Variants in POFUT3 observed in about 807,000 individuals in gnomAD.
The protein encoded by POFUT3 is GDP-fucose protein O-fucosyltransferase 3.
chr8:33,332,410 A>G, the POFUT3 span, among the ~76,000 whole-genome samples: 4 of 151,642 alleles, frequency 2.6e-5, no homozygotes, highest in Non-Finnish European at 5.9e-5. Flanking sequence ...AGAATCGCTT[A>G]AACCTGAAAG....
At chr8:33,423,541 A>G in the POFUT3 span, among the ~76,000 whole-genome samples, 1 of 152,134 alleles carries the variant, frequency 6.6e-6, no homozygotes, top group Admixed American at 6.5e-5. Context: ...AAGTGCTGGG[A>G]TTACAGGTGT....
chr8:33,326,593 T>G, the POFUT3 span, among the ~76,000 whole-genome samples: 1 of 152,188 alleles, frequency 6.6e-6, no homozygotes, highest in African/African-American at 2.4e-5. Context: ...TTCTGAGAAC[T>G]TGACAGCTCA....
At chr8:33,317,350 C>A in the POFUT3 span, among the ~76,000 whole-genome samples, 2 of 152,168 alleles carry the variant, frequency 1.3e-5, no homozygotes, top group South Asian at 2.1e-4. Flanking sequence ...TAAATTTATT[C>A]TTGAGGGGTC....
At chr8:33,335,744 T>C in the POFUT3 span, among the ~76,000 whole-genome samples, 47 of 152,278 alleles carry the variant, frequency 3.1e-4, no homozygotes, top group African/African-American at 1.0e-3. Flanking sequence ...TATCCTGTAT[T>C]CTTATAGAAA....
chr8:33,385,135 T>C, the POFUT3 span, among the ~76,000 whole-genome samples: 2 of 152,168 alleles, frequency 1.3e-5, no homozygotes, highest in African/African-American at 4.8e-5. Context: ...AACCAACCCA[T>C]TGAAGTAGAA....
chr8:33,435,997 G>C, the POFUT3 span, among the ~76,000 whole-genome samples: 1 of 152,106 alleles, frequency 6.6e-6, no homozygotes, highest in Non-Finnish European at 1.5e-5. Context: ...AGGAGGCAGG[G>C]AGGAGACAGC....
the POFUT3 span, among the ~76,000 whole-genome samples, chr8:33,365,523 G>A: frequency 4.7e-5 from 7 of 148,132 alleles, no homozygotes; most frequent in Admixed American, 1.4e-4. Flanking sequence ...GACAAAGGGC[G>A]AATATCCAGA....
the POFUT3 span, among the ~76,000 whole-genome samples, chr8:33,399,635 T>C: frequency 6.6e-6 from 1 of 151,742 alleles, no homozygotes; most frequent in African/African-American, 2.4e-5. Flanking sequence ...GAAAAAACTA[T>C]TGAAAGTAGT....
At chr8:33,416,988 G>T in the POFUT3 span, among the ~76,000 whole-genome samples, 3 of 152,158 alleles carry the variant, frequency 2.0e-5, no homozygotes, top group African/African-American at 7.2e-5. Context: ...GTATCCATCC[G>T]TAGCCTGTTA....
chr8:33,411,070 C>T, the POFUT3 span, among the ~76,000 whole-genome samples: 13 of 152,086 alleles, frequency 8.5e-5, no homozygotes, highest in Non-Finnish European at 1.5e-5. Context: ...GAAAATAAAT[C>T]CTCCCCCAGT....
the POFUT3 span, among the ~76,000 whole-genome samples, chr8:33,469,685 G>T: frequency 1.3e-5 from 2 of 151,940 alleles, no homozygotes; most frequent in African/African-American, 4.8e-5. Context: ...TCACAAGAAA[G>T]AGTATTCAGT....
At chr8:33,374,078 C>T in the POFUT3 span, among the ~76,000 whole-genome samples, 3,269 of 152,234 alleles carry the variant, frequency 0.021, 116 homozygotes, top group African/African-American at 0.075. Context: ...GTGAGCATTG[C>T]CGTCTGAGCT....
At chr8:33,389,003 A>G in the POFUT3 span, 1 of 1,614,020 alleles carries the variant, frequency 6.2e-7, no homozygotes, top group Non-Finnish European at 8.5e-7. Flanking sequence ...CTTGGTGCAC[A>G]CCATACACTC....
the POFUT3 span, among the ~76,000 whole-genome samples, chr8:33,321,244 C>T: frequency 1.3e-5 from 2 of 152,050 alleles, no homozygotes; most frequent in East Asian, 3.9e-4. Context: ...ACATAAAAAG[C>T]CACTGAAAGT....
chr8:33,467,981 T>G, the POFUT3 span, among the ~76,000 whole-genome samples: 1 of 152,176 alleles, frequency 6.6e-6, no homozygotes, highest in East Asian at 1.9e-4. Flanking sequence ...GGCTCATGCC[T>G]GTAATCCCAA....
the POFUT3 span, among the ~76,000 whole-genome samples, chr8:33,453,906 G>A: frequency 1.3e-5 from 2 of 152,054 alleles, no homozygotes; most frequent in African/African-American, 4.8e-5. Flanking sequence ...AGTGAGCCAA[G>A]ATCGCGCCAC....
At chr8:33,370,343 A>C in the POFUT3 span, among the ~76,000 whole-genome samples, 2 of 152,146 alleles carry the variant, frequency 1.3e-5, no homozygotes, top group Non-Finnish European at 2.9e-5. Flanking sequence ...TGATAGAGCA[A>C]GACTTCTTCT....
chr8:33,422,572 A>AAAC, the POFUT3 span, among the ~76,000 whole-genome samples: 6 of 148,196 alleles, frequency 4.0e-5, no homozygotes, highest in Admixed American at 6.8e-5. Flanking sequence ...AAAAAAAAAA[A>AAAC]CCACAGTTTT....
At chr8:33,453,316 C>T in the POFUT3 span, 2 of 1,614,196 alleles carry the variant, frequency 1.2e-6, no homozygotes, top group Non-Finnish European at 1.7e-6. Flanking sequence ...TCCCAGTCTC[C>T]CCCGTCAGCG....
Sources: gnomAD v4.1 joint callset for allele counts (sites outside exome capture counted in the v4.1 genomes callset) on GRCh38, gnomAD v4.1.1 for gene constraint, MANE v1.5 for transcripts, NCBI Gene and HGNC (gene_info 2026-07-23, HGNC 2026-07-21) for gene names.